Variants in UNC13C observed in about 807,000 individuals in gnomAD.
UNC13C encodes the protein protein unc-13 homolog C.
UNC13C carries 174 observed loss-of-function variants against 245.4 expected under a neutral mutation model. The ratio of observed to expected loss-of-function variants is 0.71; its 90% CI spans 0.63 to 0.80. The LOEUF (loss-of-function observed/expected upper bound fraction) is 0.80, where lower values mean the gene tolerates loss of function less well. Among genes scored for constraint, UNC13C ranks in the 30% least tolerant of loss-of-function variants. UNC13C has a pLI of 0.00. For missense variants in UNC13C, 2,829 were observed against 2,602.9 expected, an observed-to-expected ratio of 1.09 and a Z score of -1.89; for synonymous variants, 992 against 895.1, an observed-to-expected ratio of 1.11 and a Z score of -1.93.
intron 2 of UNC13C, among the ~76,000 whole-genome samples, chr15:54,106,197 G>A (rs144234241): frequency 0.017 from 2,617 of 152,220 alleles, 72 homozygotes; most frequent in Admixed American, 0.071. Context: ...ATAAAGAATT[G>A]TAAGACCTCA....
At chr15:54,534,002 C>G (rs1019858064) in intron 26 of UNC13C, among the ~76,000 whole-genome samples, 2 of 152,110 alleles carry the variant, frequency 1.3e-5, no homozygotes, top group Non-Finnish European at 2.9e-5. Context: ...AAACTAATAT[C>G]AAAAGGACCA....
chr15:54,250,220 C>A lies in UNC13C; in HGVS notation c.3229-5C>A. On this transcript the variant is annotated splice_region_variant and splice_polypyrimidine_tract_variant and intron_variant, in intron 7 of 32. Coordinates refer to ENST00000260323, the MANE Select transcript of UNC13C (RefSeq NM_001080534.3). The stretch of plus-strand genomic sequence containing the variant: ...GTGCATTGGTAACTTCTCTCATGTT[C>A]ACAGAAAATGCACGTCTTCAAGAAG... 6.2e-7 allele frequency: 1 copy of A among 1,613,538 alleles called. No individual in the cohort carries two copies. The highest frequency in any genetic ancestry group is 1.1e-5 in the South Asian group (1 of 91,044).
At chr15:54,419,136 C>T (rs537243599) in intron 19 of UNC13C, among the ~76,000 whole-genome samples, 2 of 152,198 alleles carry the variant, frequency 1.3e-5, no homozygotes, top group South Asian at 2.1e-4. Flanking sequence ...TTTAGGTACA[C>T]CTTTGACCAT....
intron 17 of UNC13C, among the ~76,000 whole-genome samples, chr15:54,363,817 A>C (rs2140870472): frequency 6.6e-6 from 1 of 152,328 alleles, no homozygotes; most frequent in South Asian, 2.1e-4. Context: ...GTTGAATAAA[A>C]ATAATACATA....
intron 30 of UNC13C, among the ~76,000 whole-genome samples, chr15:54,614,833 G>A (rs1345417128): frequency 6.6e-6 from 1 of 151,880 alleles, no homozygotes; most frequent in African/African-American, 2.4e-5. Context: ...TAATTTTTCT[G>A]AAATGCAATT....
the UNC13C span, among the ~76,000 whole-genome samples, chr15:53,942,348 A>G: frequency 3.9e-5 from 6 of 152,162 alleles, no homozygotes; most frequent in Non-Finnish European, 8.8e-5. Flanking sequence ...TAGGAGTTAA[A>G]TGATGAGAAC....
At chr15:54,002,029 G>A (rs1048751628) in intron 1 of UNC13C, among the ~76,000 whole-genome samples, 6 of 152,242 alleles carry the variant, frequency 3.9e-5, no homozygotes, top group Non-Finnish European at 8.8e-5. Flanking sequence ...GCTCACGCCT[G>A]TAATCCCAAC....
At chr15:54,031,130 C>G (rs1344538186) in intron 2 of UNC13C, among the ~76,000 whole-genome samples, 1 of 152,092 alleles carries the variant, frequency 6.6e-6, no homozygotes, top group Non-Finnish European at 1.5e-5. Context: ...TTTATCGTAA[C>G]TGATTTTCAG....
intron 30 of UNC13C, among the ~76,000 whole-genome samples, chr15:54,615,562 T>G (rs193206775): frequency 1.3e-5 from 2 of 152,206 alleles, no homozygotes; most frequent in South Asian, 2.1e-4. Context: ...TACCTCCACC[T>G]CTCTCTGCTC....
intron 17 of UNC13C, among the ~76,000 whole-genome samples, chr15:54,346,416 C>A (rs1054271075): frequency 3.3e-5 from 5 of 152,136 alleles, no homozygotes; most frequent in African/African-American, 1.2e-4. Flanking sequence ...CTGGTTTCTT[C>A]ATCATATTCA....
At chr15:54,062,183 G>C (rs919402574) in intron 2 of UNC13C, among the ~76,000 whole-genome samples, 3 of 152,030 alleles carry the variant, frequency 2.0e-5, no homozygotes, top group African/African-American at 7.2e-5. Context: ...GCCAGGCGTG[G>C]TGGCAGGCAC....
chr15:53,924,842 A>C, the UNC13C span, among the ~76,000 whole-genome samples: 1 of 152,368 alleles, frequency 6.6e-6, no homozygotes, highest in South Asian at 2.1e-4. Flanking sequence ...TTTTTAAAGC[A>C]CAAATAAATT....
intron 16 of UNC13C, among the ~76,000 whole-genome samples, chr15:54,334,102 A>G (rs2038512557): frequency 6.6e-6 from 1 of 152,270 alleles, no homozygotes; most frequent in South Asian, 2.1e-4. Context: ...TTTGTCTTAG[A>G]GAAAGCTCTC....
At chr15:54,587,648 A>C (rs1042356702) in intron 30 of UNC13C, among the ~76,000 whole-genome samples, 1 of 152,108 alleles carries the variant, frequency 6.6e-6, no homozygotes, top group Non-Finnish European at 1.5e-5. Flanking sequence ...CAGATGTTAC[A>C]CTGCTCCTCC....
chr15:54,368,776 C>T (rs1288373089), intron 17 of UNC13C, among the ~76,000 whole-genome samples: 3 of 152,098 alleles, frequency 2.0e-5, no homozygotes, highest in Non-Finnish European at 4.4e-5. Flanking sequence ...ACAGAATAGA[C>T]CCAACAATTA....
At chr15:54,333,891 G>T in intron 16 of UNC13C, 35 bp downstream of exon 16, 1 of 1,477,714 alleles carries the variant, frequency 6.8e-7, no homozygotes, top group South Asian at 1.2e-5. Context: ...GTTTTGTTGT[G>T]ACATAGAATA....
chr15:54,227,784 A>G (rs543221507), intron 4 of UNC13C, among the ~76,000 whole-genome samples: 1 of 152,254 alleles, frequency 6.6e-6, no homozygotes, highest in South Asian at 2.1e-4. Context: ...ACCACTGGTA[A>G]TGTGCTGGGT....
chr15:53,926,877 C>T, the UNC13C span, among the ~76,000 whole-genome samples: 1 of 152,148 alleles, frequency 6.6e-6, no homozygotes, highest in South Asian at 2.1e-4. Context: ...GTTTTCCGTG[C>T]CTATAGCTCT....
At chr15:54,345,622 T>C (rs2038842288) in intron 17 of UNC13C, among the ~76,000 whole-genome samples, 2 of 152,206 alleles carry the variant, frequency 1.3e-5, no homozygotes, top group African/African-American at 4.8e-5. Context: ...GATATTTGGA[T>C]ATTTATTTGT....
Sources: allele counts gnomAD v4.1 joint callset (sites outside exome capture counted in the v4.1 genomes callset), GRCh38; gene constraint gnomAD v4.1.1; transcripts MANE v1.5; gene names NCBI Gene and HGNC (gene_info 2026-07-23, HGNC 2026-07-21).